Variants in KCNA2 observed in about 807,000 individuals in gnomAD.
KCNA2 encodes the protein potassium voltage-gated channel subfamily A member 2.
In KCNA2, 11 loss-of-function variants were observed where a neutral mutation model predicts 33.4. The ratio of observed to expected loss-of-function variants is 0.33; its 90% CI spans 0.21 to 0.55. The LOEUF (loss-of-function observed/expected upper bound fraction) is 0.55. KCNA2 is among the 20% of genes least tolerant of loss of function. The pLI is 0.93. For synonymous variants in KCNA2, 222 were observed against 231.3 expected (o/e 0.96, Z 0.37); for missense variants, 291 against 621.6 (o/e 0.47, Z 5.66).
At chr1:110,624,556 A>G (rs1425848140) in intron 1 of KCNA2, among the ~76,000 whole-genome samples, 2 of 152,238 alleles carry the variant, frequency 1.3e-5, no homozygotes, top group Non-Finnish European at 1.5e-5. Flanking sequence ...CTATAAATTT[A>G]CCAAAACATT....
At chr1:110,612,177 G>A (rs1034548437) in intron 1 of KCNA2, among the ~76,000 whole-genome samples, 1 of 152,166 alleles carries the variant, frequency 6.6e-6, no homozygotes, top group African/African-American at 2.4e-5. Context: ...AGGCAGTACA[G>A]CAAGGTGGTG....
intron 1 of KCNA2, among the ~76,000 whole-genome samples, chr1:110,619,074 G>A (rs111318303): frequency 7.9e-5 from 12 of 152,260 alleles, no homozygotes; most frequent in Admixed American, 1.3e-4. Flanking sequence ...GCTCTGTACC[G>A]TCTGTCCCCT....
rs955779043 is a variant in KCNA2 at position 110,601,281 on chromosome 1, G to A, written c.*2002C>T. ...CCCGGACTTCAGACATTTCCACATA[G>A]AGGAGGCTCCCTTTAGGTCCAGATC... On this transcript the variant is annotated 3_prime_UTR_variant, in exon 3 of 3. Coordinates refer to ENST00000316361, the MANE Select transcript of KCNA2 (RefSeq NM_004974.4). The A allele has an allele frequency of 1.0e-6, 1 of 985,326 alleles. No individual in the cohort carries two copies. Among genetic ancestry groups the A allele is most frequent in the Admixed American group, 6.2e-5 (1 of 16,256 alleles). 61.0% of individuals were successfully genotyped at this position (985,326 alleles called of 1,614,324 possible). A position where few individuals can be genotyped will look rare whatever the true frequency, so the allele number is the denominator to read the frequency against.
At chr1:110,618,427 C>G (rs1650141431) in intron 1 of KCNA2, among the ~76,000 whole-genome samples, 1 of 152,188 alleles carries the variant, frequency 6.6e-6, no homozygotes, top group African/African-American at 2.4e-5. Context: ...ACCTTGCCGT[C>G]CAGTTAGGGT....
In KCNA2 at chr1:110,598,247, G is replaced by T; in HGVS notation, c.*5036C>A. ...CACATACAAGTTATTATGACAATGG[G>T]CCCCAGGAAAGCTCTGGGGAGCAGA... is the stretch of plus-strand genomic sequence containing the variant. On this transcript the variant is annotated 3_prime_UTR_variant, in exon 3 of 3. Coordinates refer to ENST00000316361, the MANE Select transcript of KCNA2 (RefSeq NM_004974.4). 1 of 560,764 alleles carries T rather than the reference G, an allele frequency of 1.8e-6. No homozygotes were observed. Among genetic ancestry groups the T allele is most frequent in the Non-Finnish European group, 2.3e-6 (1 of 442,282 alleles). 34.7% of individuals were successfully genotyped at this position (560,764 alleles called of 1,614,324 possible). A position where few individuals can be genotyped will look rare whatever the true frequency, so the allele number is the denominator to read the frequency against.
chr1:110,599,019 C>G lies in KCNA2; in HGVS notation c.*4264G>C, dbSNP rs1434005593. The G allele has an allele frequency of 9.1e-6, 9 of 985,056 alleles. No homozygotes were observed. The highest frequency in any genetic ancestry group is 1.1e-5 in the Non-Finnish European group (9 of 829,768). 61.0% of individuals were successfully genotyped at this position (985,056 alleles called of 1,614,324 possible). A position where few individuals can be genotyped will look rare whatever the true frequency, so the allele number is the denominator to read the frequency against. On this transcript the variant is annotated 3_prime_UTR_variant, in exon 3 of 3. Transcript: ENST00000316361. ...GGAATGGTACCTTGACCTGGAAACA[C>G]AAGTTTCCAGCAAAGCACACGTTTT...
chr1:110,628,974 T>C (rs1037553932), intron 1 of KCNA2, among the ~76,000 whole-genome samples: 2 of 152,222 alleles, frequency 1.3e-5, no homozygotes, highest in African/African-American at 4.8e-5. Flanking sequence ...GCACCATGCC[T>C]GGTTTTACCT....
intron 1 of KCNA2, among the ~76,000 whole-genome samples, chr1:110,613,654 G>T (rs1230166699): frequency 6.6e-6 from 1 of 152,194 alleles, no homozygotes; most frequent in Non-Finnish European, 1.5e-5. Context: ...CTACTACCAG[G>T]AGGAGGATGC....
upstream of KCNA2, among the ~76,000 whole-genome samples, chr1:110,611,038 AAGGAAGGAAG>A (rs1649852758): frequency 7.0e-6 from 1 of 143,812 alleles, no homozygotes; most frequent in African/African-American, 2.5e-5. Flanking sequence ...GGAAGGAAGG[AAGGAAGGAAG>A]GAAGGAAGGA....
At chr1:110,624,799 TAAAC>T (rs1650350847) in intron 1 of KCNA2, among the ~76,000 whole-genome samples, 1 of 152,094 alleles carries the variant, frequency 6.6e-6, no homozygotes, top group Non-Finnish European at 1.5e-5. Context: ...TATAATAACT[TAAAC>T]AAGAGTGAAT....
At chr1:110,629,431 G>T (rs1379945307) in intron 1 of KCNA2, among the ~76,000 whole-genome samples, 1 of 152,168 alleles carries the variant, frequency 6.6e-6, no homozygotes, top group Non-Finnish European at 1.5e-5. Context: ...ATAAATGGAG[G>T]TGCCACTGTA....
chr1:110,599,676 T>A lies in KCNA2; in HGVS notation c.*3607A>T, dbSNP rs1649252761. On this transcript the variant is annotated 3_prime_UTR_variant, in exon 3 of 3. Transcript: ENST00000316361. ...TGGAAGGGCAATAAAATCTGTGGGC[T>A]TAGAGAATGTTGGGGACATCTTTAC... 3 of 985,452 alleles carry A rather than the reference T, an allele frequency of 3.0e-6. No individual in the cohort carries two copies. In the South Asian group the frequency reaches 1.4e-4, roughly 46 times the overall value. The allele number at this position is 985,452 out of a possible 1,614,324, so 61.0% of individuals were successfully genotyped here.
chr1:110,600,892 C>T lies in KCNA2; in HGVS notation c.*2391G>A, dbSNP rs1284041033. The stretch of plus-strand genomic sequence containing the variant: ...CACCCTGAGCTGGTGCCCCATGCCC[C>T]AAGACAACTGTAGGTGCTAACTAGG... On this transcript the variant is annotated 3_prime_UTR_variant, in exon 3 of 3. Coordinates refer to ENST00000316361, the MANE Select transcript of KCNA2 (RefSeq NM_004974.4). 3 of 985,344 alleles carry T rather than the reference C, an allele frequency of 3.0e-6. No individual in the cohort carries two copies. The highest frequency in any genetic ancestry group is 2.4e-6 in the Non-Finnish European group (2 of 829,998). The allele number at this position is 985,344 out of a possible 1,614,324, so 61.0% of individuals were successfully genotyped here. A position where few individuals can be genotyped will look rare whatever the true frequency, so the allele number is the denominator to read the frequency against.
chr1:110,629,045 C>T (rs1298021681), intron 1 of KCNA2, among the ~76,000 whole-genome samples: 5 of 152,138 alleles, frequency 3.3e-5, no homozygotes, highest in South Asian at 4.2e-4. Flanking sequence ...TCATTCATGT[C>T]CCAGGCTAGA....
In KCNA2 at chr1:110,604,971, A is replaced by C. The variant is rs962722268; in HGVS notation, c.-163-26T>G. ...CTGAAAGACAGAGGCAGTTATTGACATGAGGCTACTCAGCATTGGCAGCCT... is the reference window on the plus strand; with the variant it reads ...CTGAAAGACAGAGGCAGTTATTGACCTGAGGCTACTCAGCATTGGCAGCCT... On this transcript the variant is annotated intron_variant, in intron 2 of 2. Coordinates refer to ENST00000316361, the MANE Select transcript of KCNA2 (RefSeq NM_004974.4). The surrounding 1 kb of genome is among the most constrained non-coding windows in gnomAD (Gnocchi z 7.6). The C allele has an allele frequency of 3.1e-5, 19 of 605,396 alleles. No homozygotes were observed. The Admixed American group carries it at 5.2e-4, about 17-fold the overall frequency. The allele number at this position is 605,396 out of a possible 1,614,324, so 37.5% of individuals were successfully genotyped here.
At chr1:110,627,458 T>C (rs560814601) in intron 1 of KCNA2, among the ~76,000 whole-genome samples, 20 of 152,292 alleles carry the variant, frequency 1.3e-4, no homozygotes, top group African/African-American at 4.8e-4. Flanking sequence ...CCAAGCCTCT[T>C]GTTTATACGG....
intron 1 of KCNA2, 143 bp downstream of exon 1, chr1:110,606,076 GCTTAGCTCA>G (rs1203147155): frequency 6.5e-6 from 1 of 152,922 alleles, no homozygotes; most frequent in African/African-American, 2.4e-5. Flanking sequence ...CAAGAGGAGG[GCTTAGCTCA>G]CTGCAGCCTG....
chr1:110,630,579 T>C (rs1442583923), intron 1 of KCNA2, among the ~76,000 whole-genome samples: 1 of 152,190 alleles, frequency 6.6e-6, no homozygotes, highest in East Asian at 1.9e-4. Flanking sequence ...CATGTCATCT[T>C]CATCTCAAAG....
chr1:110,600,541 T>C lies in KCNA2; in HGVS notation c.*2742A>G. On this transcript the variant is annotated 3_prime_UTR_variant, in exon 3 of 3. Transcript: ENST00000316361. Reference sequence around the variant, plus strand: ...TATGTTAACCTGGTCTGTCTGTATTTTGCACGTTACATGTTTTATGTTTGT... The same window carrying C: ...TATGTTAACCTGGTCTGTCTGTATTCTGCACGTTACATGTTTTATGTTTGT... 1.0e-6 allele frequency: 1 copy of C among 985,368 alleles called. No homozygotes were observed. The highest frequency in any genetic ancestry group is 1.2e-6 in the Non-Finnish European group (1 of 829,926). The allele number at this position is 985,368 out of a possible 1,614,324, so 61.0% of individuals were successfully genotyped here.
Sources: allele counts gnomAD v4.1 joint callset (sites outside exome capture counted in the v4.1 genomes callset), GRCh38; gene constraint gnomAD v4.1.1; non-coding constraint Gnocchi (gnomAD v3.1); transcripts MANE v1.5; gene names NCBI Gene and HGNC (gene_info 2026-07-23, HGNC 2026-07-21).